DNAAF5: variants seen among roughly 807,000 people sequenced by gnomAD.
DNAAF5 encodes the protein dynein axonemal assembly factor 5, also known as HEAT repeat containing 2.
Under a neutral mutation model 75.8 loss-of-function variants are expected in DNAAF5, and 64 were observed. The observed-to-expected ratio is 0.84, with a 90% confidence interval of 0.69 to 1.04. DNAAF5 has a LOEUF of 1.04. DNAAF5 is among the 50% of genes least tolerant of loss of function. The pLI is 0.00. For missense variants in DNAAF5, 1,269 were observed against 1,178.5 expected, an observed-to-expected ratio of 1.08 and a Z score of -1.12; for synonymous variants, 657 against 557.2, an observed-to-expected ratio of 1.18 and a Z score of -2.52.
intron 12 of DNAAF5, among the ~76,000 whole-genome samples, chr7:783,665 C>T (rs1779053892): frequency 6.6e-6 from 1 of 152,204 alleles, no homozygotes; most frequent in Non-Finnish European, 1.5e-5. Flanking sequence ...GACAGCAGCT[C>T]ACGTGCAGGC....
intron 7 of DNAAF5, among the ~76,000 whole-genome samples, chr7:763,589 CGTT>C (rs1255322347): frequency 6.6e-6 from 1 of 152,232 alleles, no homozygotes; most frequent in Non-Finnish European, 1.5e-5. Flanking sequence ...GCAGAGACGG[CGTT>C]GGTGTGAACG....
At chr7:749,300 T>C (rs112106180) in intron 4 of DNAAF5, among the ~76,000 whole-genome samples, 1 of 152,196 alleles carries the variant, frequency 6.6e-6, no homozygotes, top group African/African-American at 2.4e-5. Context: ...GCTTTGAGAT[T>C]ATCCCTCTGT....
intron 8 of DNAAF5, chr7:769,293 G>C (rs1203325710): frequency 1.5e-6 from 1 of 688,048 alleles, no homozygotes; most frequent in South Asian, 1.5e-5. Flanking sequence ...CCCCAACCCA[G>C]TCCCCACCCT....
At chr7:749,204 C>T (rs1220943169) in intron 4 of DNAAF5, among the ~76,000 whole-genome samples, 1 of 152,196 alleles carries the variant, frequency 6.6e-6, no homozygotes, top group African/African-American at 2.4e-5. Context: ...CGGAAGCACA[C>T]GTTCACGCCT....
At position 756,165 on chromosome 7, in the gene DNAAF5, G is replaced by A. The variant is rs866017790; in HGVS notation, c.1258-617G>A. ...TGTGTGATCCGCTGTGGAATCCCAC[G>A]GTGCAGAGGGGCTGGTGTGTGTGTG... On this transcript the variant is annotated intron_variant, in intron 5 of 12. Transcript: ENST00000297440. 3.7e-3 allele frequency among the ~76,000 whole-genome samples: 528 copies of A among 141,804 alleles called. 3 individuals carry two copies. The highest frequency in any genetic ancestry group is 5.5e-3 in the Non-Finnish European group (357 of 64,978). The allele number at this position is 141,804 out of a possible 152,430, so 93.0% of individuals were successfully genotyped here. A position where few individuals can be genotyped will look rare whatever the true frequency, so the allele number is the denominator to read the frequency against.
intron 2 of DNAAF5, among the ~76,000 whole-genome samples, chr7:733,629 T>A (rs556026182): frequency 6.6e-6 from 1 of 152,272 alleles, no homozygotes; most frequent in Admixed American, 6.5e-5. Context: ...CCCGAGTAGC[T>A]GGGACTACAG....
At chr7:782,683 GCCGC>G in intron 12 of DNAAF5, among the ~76,000 whole-genome samples, 4 of 117,444 alleles carry the variant, frequency 3.4e-5, no homozygotes, top group East Asian at 2.6e-4. Context: ...TCCTGGCGTG[GCCGC>G]CTCCCGTCAC....
At chr7:728,422 T>C (rs769026055) in intron 1 of DNAAF5, among the ~76,000 whole-genome samples, 4 of 152,116 alleles carry the variant, frequency 2.6e-5, no homozygotes, top group Non-Finnish European at 4.4e-5. Flanking sequence ...TTCAGGTTGT[T>C]AAAAGATCAC....
intron 2 of DNAAF5, among the ~76,000 whole-genome samples, chr7:738,953 A>T (rs1259787225): frequency 3.9e-5 from 6 of 152,246 alleles, no homozygotes; most frequent in Non-Finnish European, 7.3e-5. Context: ...GCGAGTTCAG[A>T]CTGCTCCCTG....
chr7:732,969 T>G (rs1199452479), intron 2 of DNAAF5, among the ~76,000 whole-genome samples: 1 of 152,230 alleles, frequency 6.6e-6, no homozygotes, highest in Non-Finnish European at 1.5e-5. Flanking sequence ...TGGTGAGAGA[T>G]AGGGGTCCAG....
At chr7:760,501 C>T (rs1782612604) in intron 6 of DNAAF5, among the ~76,000 whole-genome samples, 1 of 152,254 alleles carries the variant, frequency 6.6e-6, no homozygotes, top group African/African-American at 2.4e-5. Flanking sequence ...GAAGTAAATA[C>T]AGGCCAGGCG....
In DNAAF5 at chr7:770,629, G is replaced by T; in HGVS notation, c.1931+11G>T. On this transcript the variant is annotated intron_variant, in intron 9 of 12. Coordinates refer to ENST00000297440, the MANE Select transcript of DNAAF5 (RefSeq NM_017802.4). The stretch of plus-strand genomic sequence containing the variant: ...CATCAACTCCCAGGGGTAGGTCCGG[G>T]CTCTGCCTCTGCACGGCCCCCAGCT... The T allele has an allele frequency of 6.2e-7, 1 of 1,611,684 alleles. No homozygotes were observed. Among genetic ancestry groups the T allele is most frequent in the Non-Finnish European group, 8.5e-7 (1 of 1,179,178 alleles).
At position 754,768 on chromosome 7, in the gene DNAAF5, C is replaced by T. The variant is rs756796495; in HGVS notation, c.1204C>T (p.Leu402Phe). 1 of 1,613,134 alleles carries T rather than the reference C, an allele frequency of 6.2e-7. No individual in the cohort carries two copies. The highest frequency in any genetic ancestry group is 8.5e-7 in the Non-Finnish European group (1 of 1,179,792). The change falls in exon 5 of 13, where the codon CTC becomes TTC. Residue 402 changes from leucine (L) to phenylalanine (F), a missense_variant. By Grantham distance (22) the Leu-to-Phe change is conservative. Transcript: ENST00000297440. This position sits in a 1 kb window ranked among gnomAD's most constrained non-coding sequence, Gnocchi z 4.8. ...CGCCACGCAGCACCTGGAGGTCGTCCTCCGGACCCTGTTCCAGGCCTGCAC... is the reference window on the plus strand; with the variant it reads ...CGCCACGCAGCACCTGGAGGTCGTCTTCCGGACCCTGTTCCAGGCCTGCAC... ...DHATQHLEVV[L>F]RTLFQACTDE... is the part of the protein sequence containing the mutation.
intron 2 of DNAAF5, among the ~76,000 whole-genome samples, chr7:731,790 C>T (rs773972170): frequency 1.1e-4 from 16 of 152,044 alleles, no homozygotes; most frequent in Non-Finnish European, 1.6e-4. Context: ...ATGGGGTTTG[C>T]GTCCTATTAG....
intron 9 of DNAAF5, among the ~76,000 whole-genome samples, 184 bp from the exon 10 acceptor site, chr7:773,864 G>T (rs1215825387): frequency 6.6e-6 from 1 of 152,180 alleles, no homozygotes. Context: ...GTAGGGTTGG[G>T]CCTGGAGGAA....
At chr7:732,099 C>G (rs1226673178) in intron 2 of DNAAF5, among the ~76,000 whole-genome samples, 1 of 152,372 alleles carries the variant, frequency 6.6e-6, no homozygotes, top group African/African-American at 2.4e-5. Flanking sequence ...GCTCAGAGGC[C>G]TCAGAGCTCA....
chr7:736,186 G>A (rs7791511), intron 2 of DNAAF5, among the ~76,000 whole-genome samples: 1 of 151,994 alleles, frequency 6.6e-6, no homozygotes, highest in East Asian at 1.9e-4. Context: ...TTCTGTAGCT[G>A]TTGGATGCAA....
intron 2 of DNAAF5, among the ~76,000 whole-genome samples, chr7:738,097 T>G (rs1781791928): frequency 6.6e-6 from 1 of 152,222 alleles, no homozygotes; most frequent in Admixed American, 6.5e-5. Context: ...TGTGCTTCAT[T>G]CTTTCTATTC....
intron 11 of DNAAF5, among the ~76,000 whole-genome samples, chr7:776,305 C>T (rs180899997): frequency 3.5e-4 from 53 of 152,130 alleles, no homozygotes; most frequent in African/African-American, 1.2e-3. Context: ...CATTGCACTC[C>T]AGCCTGGGTG....
Sources: allele counts gnomAD v4.1 joint callset (sites outside exome capture counted in the v4.1 genomes callset), GRCh38; gene constraint gnomAD v4.1.1; non-coding constraint Gnocchi (gnomAD v3.1); transcripts MANE v1.5; gene names NCBI Gene and HGNC (gene_info 2026-07-23, HGNC 2026-07-21).